The following MFN1 variants were observed in gnomAD, a reference collection of about 807,000 sequenced individuals.
MFN1 encodes mitofusin 1.
Under a neutral mutation model 92.4 loss-of-function variants are expected in MFN1, and 65 were observed. That is an observed-to-expected ratio of 0.70 (90% CI 0.58 to 0.86). The LOEUF is 0.86. Among genes scored for constraint, MFN1 ranks in the 40% least tolerant of loss-of-function variants. The probability of loss-of-function intolerance (pLI) is 0.00; values close to 1 mark genes in which losing one functional copy is unlikely to be tolerated. For missense variants in MFN1, 781 were observed against 868.0 expected (o/e 0.90, Z 1.26); for synonymous variants, 297 against 300.9 (o/e 0.99, Z 0.13).
intron 16 of MFN1, among the ~76,000 whole-genome samples, chr3:179,389,708 G>C (rs945309974): frequency 6.6e-6 from 1 of 151,924 alleles, no homozygotes; most frequent in Non-Finnish European, 1.5e-5. Flanking sequence ...CTTACTTTGC[G>C]CAGGGCCCCA....
At chr3:179,367,917 C>CT in intron 8 of MFN1, 119 bp from the exon 9 acceptor site, 1 of 504,746 alleles carries the variant, frequency 2.0e-6, no homozygotes, top group Non-Finnish European at 2.8e-6. Flanking sequence ...GAGCAAGACT[C>CT]TGTCTCGGGG....
intron 17 of MFN1, among the ~76,000 whole-genome samples, chr3:179,390,929 C>T (rs1713874974): frequency 1.3e-5 from 2 of 152,158 alleles, no homozygotes; most frequent in Admixed American, 1.3e-4. Flanking sequence ...GATTATCCAT[C>T]CATAGTGTCT....
At chr3:179,367,981 A>G in intron 8 of MFN1, 55 bp from the exon 9 acceptor site, 1 of 1,163,084 alleles carries the variant, frequency 8.6e-7, no homozygotes, top group African/African-American at 1.6e-5. Context: ...GTAGCCTACC[A>G]GAAAACATAT....
chr3:179,377,086 A>C lies in MFN1; in HGVS notation c.1142A>C (p.Asp381Ala). The C allele has an allele frequency of 1.2e-6, 2 of 1,613,798 alleles. No individual in the cohort carries two copies. Among genetic ancestry groups the C allele is most frequent in the Non-Finnish European group, 1.7e-6 (2 of 1,179,790 alleles). The change falls in exon 11 of 18, where the codon GAC becomes GCC. Residue 381 changes from aspartate (D) to alanine (A), a missense_variant. Physicochemically the swap from Asp to Ala is moderately radical, Grantham distance 126. Transcript: ENST00000471841. Reference protein sequence around the residue: ...EEREDQIDRLDFIRNQMNLLT... With the variant: ...EEREDQIDRLAFIRNQMNLLT... ...AGGGAAGACCAAATTGATAGACTGG[A>C]CTTTATTCGAAACCAGATGAACCTT... is the stretch of plus-strand genomic sequence containing the variant.
At chr3:179,391,129 G>T (rs13083369) in intron 17 of MFN1, among the ~76,000 whole-genome samples, 30,540 of 152,038 alleles carry the variant, frequency 0.2, 3,428 homozygotes, top group Admixed American at 0.25. Flanking sequence ...GTAGAAATTG[G>T]TTTTTTGTCT....
In MFN1 at chr3:179,378,738, C is replaced by T. The variant is rs758670511; in HGVS notation, c.1586C>T (p.Ser529Phe). The T allele has an allele frequency of 3.5e-5, 57 of 1,613,918 alleles. No individual in the cohort carries two copies. The highest frequency in any genetic ancestry group is 4.6e-5 in the Non-Finnish European group (54 of 1,179,972). ...GTATTTCGTTTTTCCCTGGGCTGGTCTTCCCTTGTACATCGATTTTTGGGC... is the reference window on the plus strand; with the variant it reads ...GTATTTCGTTTTTCCCTGGGCTGGTTTTCCCTTGTACATCGATTTTTGGGC... ...DIVFRFSLGWSSLVHRFLGPR... is the reference protein window; with the variant it reads ...DIVFRFSLGWFSLVHRFLGPR... Residue 529 changes from serine to phenylalanine, a missense_variant, in exon 14 of 18, where the codon TCT becomes TTT. By Grantham distance (155) the Ser-to-Phe change is radical (BLOSUM62 -2). Coordinates refer to ENST00000471841, the MANE Select transcript of MFN1 (RefSeq NM_033540.3).
Position 179,362,794 on chromosome 3 carries a change from C to T in MFN1, c.536+312C>T, listed in dbSNP as rs144597410. On this transcript the variant is annotated intron_variant, in intron 5 of 17. Coordinates refer to ENST00000471841, the MANE Select transcript of MFN1 (RefSeq NM_033540.3). ...GTACAAGTGATTCTCCCACCTCAGT[C>T]TCCTGGGTAGCTGGGATTACAGACA... is the stretch of plus-strand genomic sequence containing the variant. 5.1e-4 allele frequency among the ~76,000 whole-genome samples: 78 copies of T among 152,294 alleles called. 1 individual carries two copies. Among genetic ancestry groups the T allele is most frequent in the African/African-American group, 1.7e-3 (70 of 41,554 alleles).
At position 179,394,445 on chromosome 3, in the gene MFN1, TC is replaced by T. The variant is rs1344689465; in HGVS notation, c.*2387del. The T allele has an allele frequency of 4.6e-5, 6 of 129,754 alleles. No individual in the cohort carries two copies. In the East Asian group the frequency reaches 1.4e-3, roughly 29 times the overall value. 8.0% of individuals were successfully genotyped at this position (129,754 alleles called of 1,614,324 possible). On this transcript the variant is annotated 3_prime_UTR_variant, in exon 18 of 18. Coordinates refer to ENST00000471841, the MANE Select transcript of MFN1 (RefSeq NM_033540.3). ...TTTTTTTTTTTTTTGAGACGGAGTC[TC>T]GCTCTGTCGCCCAGGCTGGAGTGCA...
At position 179,392,040 on chromosome 3, in the gene MFN1, C is replaced by G. The variant is rs148403776; in HGVS notation, c.2207C>G (p.Ser736Ter). The G allele has an allele frequency of 3.1e-6, 5 of 1,610,284 alleles. No individual in the cohort carries two copies. Among genetic ancestry groups the G allele is most frequent in the Non-Finnish European group, 4.2e-6 (5 of 1,177,044 alleles). Residue 736 changes from serine (S) to a stop codon, truncating the protein, a stop_gained, in exon 18 of 18, where the codon TCA becomes TGA. Transcript: ENST00000471841. LOFTEE classifies it high-confidence loss of function. ...LENFTKQFLPSSNEES is the reference protein window; with the variant it reads ...LENFTKQFLP ...AATTTTACTAAGCAGTTTCTACCTTCAAGCAATGAAGAATCCTAACAATAG... is the reference window on the plus strand; with the variant it reads ...AATTTTACTAAGCAGTTTCTACCTTGAAGCAATGAAGAATCCTAACAATAG...
At chr3:179,348,668 A>C (rs9816602) in intron 1 of MFN1, 177 bp from the exon 2 acceptor site, 2 of 886,542 alleles carry the variant, frequency 2.3e-6, no homozygotes, top group East Asian at 6.1e-5. Context: ...GTGAAATATC[A>C]TTCAAAAGTC....
At chr3:179,356,611 G>A (rs560180729) in intron 3 of MFN1, among the ~76,000 whole-genome samples, 7 of 152,226 alleles carry the variant, frequency 4.6e-5, no homozygotes, top group African/African-American at 1.4e-4. Flanking sequence ...TGATAGTAGA[G>A]GAGAAAAAGT....
intron 16 of MFN1, among the ~76,000 whole-genome samples, chr3:179,387,562 G>C (rs1301647378): frequency 1.5e-5 from 2 of 137,920 alleles, no homozygotes; most frequent in African/African-American, 2.7e-5. Flanking sequence ...ATAAATAATT[G>C]CCCTTAAGAT....
chr3:179,376,150 C>G (rs984017851), intron 10 of MFN1, among the ~76,000 whole-genome samples: 1 of 152,150 alleles, frequency 6.6e-6, no homozygotes, highest in African/African-American at 2.4e-5. Context: ...CTGTCTGTTG[C>G]TTTATAATGG....
Position 179,392,291 on chromosome 3 carries a change from TAC to T in MFN1, c.*234_*235del. ...GAAAAGGCTAAAATCATGAATTAGTTACAAGCAACAGTACCAACTTATGTGAC... is the reference window on the plus strand; with the variant it reads ...GAAAAGGCTAAAATCATGAATTAGTTAAGCAACAGTACCAACTTATGTGAC... On this transcript the variant is annotated 3_prime_UTR_variant, in exon 18 of 18. Coordinates refer to ENST00000471841, the MANE Select transcript of MFN1 (RefSeq NM_033540.3). 2.9e-6 allele frequency: 1 copy of T among 339,300 alleles called. No individual in the cohort carries two copies. Among genetic ancestry groups the T allele is most frequent in the East Asian group, 4.7e-5 (1 of 21,358 alleles). The allele number at this position is 339,300 out of a possible 1,614,324, so 21.0% of individuals were successfully genotyped here. A position where few individuals can be genotyped will look rare whatever the true frequency, so the allele number is the denominator to read the frequency against.
chr3:179,362,439 G>A lies in MFN1; in HGVS notation c.493G>A (p.Ala165Thr). 6.2e-7 allele frequency: 1 copy of A among 1,613,810 alleles called. No homozygotes were observed. The highest frequency in any genetic ancestry group is 8.5e-7 in the Non-Finnish European group (1 of 1,179,922). ...TCTTGTACGTGTGTTTTGGCCAAAA[G>A]CAAAATGTGCCCTCTTGAGAGATGA... Reference protein sequence around the residue: ...GCLVRVFWPKAKCALLRDDLV... With the variant: ...GCLVRVFWPKTKCALLRDDLV... The change falls in exon 5 of 18, where the codon GCA becomes ACA. Residue 165 changes from alanine to threonine, a missense_variant. Physicochemically the swap from Ala to Thr is moderately conservative, Grantham distance 58. Transcript: ENST00000471841.
At chr3:179,360,560 AAAAAT>A (rs1198232577) in intron 4 of MFN1, among the ~76,000 whole-genome samples, 1 of 151,950 alleles carries the variant, frequency 6.6e-6, no homozygotes, top group African/African-American at 2.4e-5. Context: ...AAAAAAAAAA[AAAAAT>A]AAAAGGAAAA....
At chr3:179,377,489 T>C in intron 12 of MFN1, 41 bp downstream of exon 12, 1 of 1,243,042 alleles carries the variant, frequency 8.0e-7, no homozygotes, top group Non-Finnish European at 1.2e-6. Flanking sequence ...AGACAGTTTC[T>C]TATTATTCTA....
intron 2 of MFN1, 74 bp from the exon 3 acceptor site, chr3:179,351,826 T>C: frequency 1.4e-6 from 2 of 1,426,862 alleles, no homozygotes; most frequent in Middle Eastern, 2.1e-4. Flanking sequence ...ATACATACAA[T>C]CTTAGGTATT....
intron 8 of MFN1, 78 bp from the exon 9 acceptor site, chr3:179,367,958 A>T: frequency 1.4e-6 from 1 of 737,186 alleles, no homozygotes; most frequent in Non-Finnish European, 1.8e-6. Flanking sequence ...ATATATTTAA[A>T]ATTATAAAAT....
Sources: allele counts gnomAD v4.1 joint callset (sites outside exome capture counted in the v4.1 genomes callset), GRCh38; gene constraint gnomAD v4.1.1; transcripts MANE v1.5; gene names NCBI Gene and HGNC (gene_info 2026-07-23, HGNC 2026-07-21).